SNRPA1: variants seen among roughly 807,000 people sequenced by gnomAD.
SNRPA1 encodes the protein small nuclear ribonucleoprotein polypeptide A'.
Under a neutral mutation model 32.3 loss-of-function variants are expected in SNRPA1, and 5 were observed. The observed-to-expected ratio is 0.15, with a 90% confidence interval of 0.08 to 0.33. The LOEUF (loss-of-function observed/expected upper bound fraction) is 0.33, where lower values mean the gene tolerates loss of function less well. Ranked by LOEUF, SNRPA1 falls within the 10% of genes least tolerant of loss-of-function variation. The probability of loss-of-function intolerance (pLI) is 1.00; values close to 1 mark genes in which losing one functional copy is unlikely to be tolerated. For missense variants in SNRPA1, 198 were observed against 311.1 expected (o/e 0.64, Z 2.74); for synonymous variants, 111 against 120.1 (o/e 0.92, Z 0.50).
In SNRPA1 at chr15:101,286,312, C is replaced by T. The variant is rs2039454188; in HGVS notation, c.460-19G>A. 2 of 1,611,176 alleles carry T rather than the reference C, an allele frequency of 1.2e-6. No homozygotes were observed. The highest frequency in any genetic ancestry group is 1.7e-6 in the Non-Finnish European group (2 of 1,177,466). ...GACGCTCCTACAGCGACACCACACACAGAGTTAATGGAAATAGGAATACCA... is the reference window on the plus strand; with the variant it reads ...GACGCTCCTACAGCGACACCACACATAGAGTTAATGGAAATAGGAATACCA... On this transcript the variant is annotated intron_variant, in intron 5 of 8. Coordinates refer to ENST00000254193, the MANE Select transcript of SNRPA1 (RefSeq NM_003090.4).
chr15:101,285,504 A>G (rs544637383), intron 7 of SNRPA1, among the ~76,000 whole-genome samples: 1 of 152,230 alleles, frequency 6.6e-6, no homozygotes, highest in Non-Finnish European at 1.5e-5. Context: ...CACCTTGGAA[A>G]ATGAGAAAGA....
chr15:101,285,937 T>C, intron 6 of SNRPA1, 136 bp from the exon 7 acceptor site: 1 of 678,642 alleles, frequency 1.5e-6, no homozygotes, highest in South Asian at 1.9e-5. Flanking sequence ...AAGAACTCTC[T>C]CCTTCAGAAA....
At chr15:101,283,157 C>T (rs948336936) in intron 8 of SNRPA1, among the ~76,000 whole-genome samples, 23 of 152,338 alleles carry the variant, frequency 1.5e-4, no homozygotes, top group African/African-American at 5.5e-4. Flanking sequence ...TAGGCTGCTG[C>T]CTTGACTCCT....
At chr15:101,288,213 A>G (rs2039476765) in intron 3 of SNRPA1, 1 of 154,726 alleles carries the variant, frequency 6.5e-6, no homozygotes, top group African/African-American at 2.4e-5. Flanking sequence ...TAGCTTAAAA[A>G]TGATCGAATT....
At chr15:101,289,296 G>T (rs1289297773) in intron 3 of SNRPA1, among the ~76,000 whole-genome samples, 1 of 152,200 alleles carries the variant, frequency 6.6e-6, no homozygotes, top group Non-Finnish European at 1.5e-5. Flanking sequence ...GTATTGTTTA[G>T]CAGGGTAAAG....
intron 3 of SNRPA1, among the ~76,000 whole-genome samples, chr15:101,291,410 G>A (rs2039524545): frequency 1.3e-5 from 2 of 152,066 alleles, no homozygotes; most frequent in Admixed American, 1.3e-4. Flanking sequence ...AAATTTTCTA[G>A]TAGCCATGTT....
Position 101,281,681 on chromosome 15 carries a change from A to T in SNRPA1, c.*43T>A. 2.1e-6 allele frequency: 3 copies of T among 1,461,774 alleles called. No individual in the cohort carries two copies. Among genetic ancestry groups the T allele is most frequent in the Non-Finnish European group, 2.9e-6 (3 of 1,040,988 alleles). 90.6% of individuals were successfully genotyped at this position (1,461,774 alleles called of 1,614,324 possible). On this transcript the variant is annotated 3_prime_UTR_variant, in exon 9 of 9. Transcript: ENST00000254193. ...TATTATACCATGTTCGAAAAGCAAG[A>T]CTTGTTCCAAGAGGGCCTATTATTA...
chr15:101,284,303 C>G (rs2039430066), intron 8 of SNRPA1, among the ~76,000 whole-genome samples: 1 of 152,204 alleles, frequency 6.6e-6, no homozygotes, highest in Admixed American at 6.5e-5. Context: ...GCTGGTGAAG[C>G]TGAGATTTGG....
chr15:101,284,099 T>G (rs1455237339), intron 8 of SNRPA1, among the ~76,000 whole-genome samples: 1 of 152,264 alleles, frequency 6.6e-6, no homozygotes, highest in East Asian at 1.9e-4. Flanking sequence ...ATATCCCTAG[T>G]GCCCCACATG....
rs535881323 is a variant in SNRPA1, at chr15:101,282,986, G to C, written c.710-1204C>G. Among the ~76,000 whole-genome samples, 24 of 152,268 alleles carry C rather than the reference G, an allele frequency of 1.6e-4. No homozygotes were observed. The South Asian group carries it at 2.3e-3, about 14-fold the overall frequency. ...GATAACCACCTAACTCAAGAATGCAGACATGTGCACCCCCTTTCTGTCACC... is the reference window on the plus strand; with the variant it reads ...GATAACCACCTAACTCAAGAATGCACACATGTGCACCCCCTTTCTGTCACC... On this transcript the variant is annotated intron_variant, in intron 8 of 8. Transcript: ENST00000254193.
chr15:101,291,069 C>T (rs927094142), intron 3 of SNRPA1, among the ~76,000 whole-genome samples: 2 of 151,912 alleles, frequency 1.3e-5, no homozygotes, highest in Non-Finnish European at 2.9e-5. Flanking sequence ...TAGAGAGAGA[C>T]AAGGTCTCAC....
chr15:101,295,228 C>T lies in SNRPA1; in HGVS notation c.-50G>A. On this transcript the variant is annotated 5_prime_UTR_variant, in exon 1 of 9. Coordinates refer to ENST00000254193, the MANE Select transcript of SNRPA1 (RefSeq NM_003090.4). ...CTGTGGAAAGCCCGTGGCCTCCCGCCAGCGAGACGTCCCAGCGTGCCCCGC... is the reference window on the plus strand; with the variant it reads ...CTGTGGAAAGCCCGTGGCCTCCCGCTAGCGAGACGTCCCAGCGTGCCCCGC... 1 of 1,445,680 alleles carries T rather than the reference C, an allele frequency of 6.9e-7. No homozygotes were observed. The highest frequency in any genetic ancestry group is 9.2e-7 in the Non-Finnish European group (1 of 1,088,174). 89.6% of individuals were successfully genotyped at this position (1,445,680 alleles called of 1,614,324 possible).
intron 1 of SNRPA1, among the ~76,000 whole-genome samples, chr15:101,294,092 G>C (rs1333273646): frequency 6.6e-6 from 1 of 152,190 alleles, no homozygotes; most frequent in Non-Finnish European, 1.5e-5. Flanking sequence ...AAAATTAGCC[G>C]GGCGTGGTGG....
chr15:101,293,218 A>ACAGTTG, intron 1 of SNRPA1, 46 bp from the exon 2 acceptor site: 1 of 1,362,352 alleles, frequency 7.3e-7, no homozygotes, highest in Non-Finnish European at 1.0e-6. Context: ...ATATAACTAA[A>ACAGTTG]CAGTTGCCCC....
chr15:101,293,090 C>T lies in SNRPA1; in HGVS notation c.165G>A (p.Arg55=). 1.9e-6 allele frequency: 3 copies of T among 1,612,376 alleles called. No individual in the cohort carries two copies. Among genetic ancestry groups the T allele is most frequent in the Non-Finnish European group, 2.5e-6 (3 of 1,178,750 alleles). Reference sequence around the variant, plus strand: ...TCAACAAAGGAAAACCATCCAGTTTCCTGATCTCATTGTCAGAAAAATCAA... The same window carrying T: ...TCAACAAAGGAAAACCATCCAGTTTTCTGATCTCATTGTCAGAAAAATCAA... ...DAIDFSDNEI[R]KLDGFPLLRR... The change falls in exon 2 of 9, where the codon AGG becomes AGA. Residue 55 remains arginine (R), a synonymous_variant. Transcript: ENST00000254193.
intron 1 of SNRPA1, chr15:101,293,505 C>T: frequency 6.1e-6 from 1 of 163,802 alleles, no homozygotes; most frequent in Non-Finnish European, 1.3e-5. Flanking sequence ...GCTAGTTAAG[C>T]GGAATCGGCA....
intron 3 of SNRPA1, chr15:101,287,919 C>CTCAA (rs2039473881): frequency 4.0e-6 from 2 of 505,464 alleles, no homozygotes; most frequent in Non-Finnish European, 7.2e-6. Context: ...CAGCTTCTGT[C>CTCAA]TCAATAGCAG....
At chr15:101,290,432 G>A (rs2039510084) in intron 3 of SNRPA1, among the ~76,000 whole-genome samples, 1 of 152,176 alleles carries the variant, frequency 6.6e-6, no homozygotes, top group Admixed American at 6.5e-5. Context: ...ATGGACCAGT[G>A]CTGTCTTATG....
At chr15:101,286,829 A>G in intron 5 of SNRPA1, 79 bp downstream of exon 5, 1 of 718,184 alleles carries the variant, frequency 1.4e-6, no homozygotes. Flanking sequence ...CATTTAGACA[A>G]TTTTAATAAT....
Sources: gnomAD v4.1 joint callset for allele counts (sites outside exome capture counted in the v4.1 genomes callset) on GRCh38, gnomAD v4.1.1 for gene constraint, MANE v1.5 for transcripts, NCBI Gene and HGNC (gene_info 2026-07-23, HGNC 2026-07-21) for gene names.